ARNT2: variants seen among roughly 807,000 people sequenced by gnomAD.
ARNT2 encodes the protein aryl hydrocarbon receptor nuclear translocator 2.
A neutral mutation model predicts 91.7 loss-of-function variants in ARNT2; 36 were observed. The ratio of observed to expected loss-of-function variants is 0.39; its 90% CI spans 0.30 to 0.52. The LOEUF (loss-of-function observed/expected upper bound fraction) is 0.52, where lower values mean the gene tolerates loss of function less well. Among genes scored for constraint, ARNT2 ranks in the 20% least tolerant of loss-of-function variants. The probability of loss-of-function intolerance (pLI) is 0.72; values close to 1 mark genes in which losing one functional copy is unlikely to be tolerated. For missense variants in ARNT2, 775 were observed against 939.3 expected, an observed-to-expected ratio of 0.83 and a Z score of 2.29; for synonymous variants, 365 against 347.1, an observed-to-expected ratio of 1.05 and a Z score of -0.57.
Position 80,591,335 on chromosome 15 carries a change from T to C in ARNT2, c.1919-233T>C, listed in dbSNP as rs1893276533. On this transcript the variant is annotated intron_variant, in intron 17 of 18. Coordinates refer to ENST00000303329, the MANE Select transcript of ARNT2 (RefSeq NM_014862.4). This position sits in a 1 kb window ranked among gnomAD's most constrained non-coding sequence, Gnocchi z 5.1. ...TGGCAGGTGACCTCAGGAAGAGCCATCCTCTCTGGCCAAGTACCTGCACCA... is the reference window on the plus strand; with the variant it reads ...TGGCAGGTGACCTCAGGAAGAGCCACCCTCTCTGGCCAAGTACCTGCACCA... Among the ~76,000 whole-genome samples the C allele has an allele frequency of 6.6e-6, 1 of 152,170 alleles. No homozygotes were observed. Among genetic ancestry groups the C allele is most frequent in the Non-Finnish European group, 1.5e-5 (1 of 68,030 alleles).
In ARNT2 at chr15:80,459,139, G is replaced by T. The variant is rs756906178; in HGVS notation, c.194+1163G>T. 5.9e-5 allele frequency among the ~76,000 whole-genome samples: 9 copies of T among 152,100 alleles called. No homozygotes were observed. In the South Asian group the frequency reaches 1.0e-3, roughly 18 times the overall value. ...GAGTCTCCAAGTCCATAGTAAACTCGCATCATGCCATACACTTTCGTCCCC... is the reference window on the plus strand; with the variant it reads ...GAGTCTCCAAGTCCATAGTAAACTCTCATCATGCCATACACTTTCGTCCCC... On this transcript the variant is annotated intron_variant, in intron 3 of 18. Coordinates refer to ENST00000303329, the MANE Select transcript of ARNT2 (RefSeq NM_014862.4).
At chr15:80,582,148 G>A (rs954976136) in intron 17 of ARNT2, among the ~76,000 whole-genome samples, 2 of 152,118 alleles carry the variant, frequency 1.3e-5, no homozygotes, top group Non-Finnish European at 2.9e-5. Context: ...GAATTTCCAC[G>A]TGGCAAGTTA....
intron 1 of ARNT2, among the ~76,000 whole-genome samples, chr15:80,430,692 T>C (rs1895995364): frequency 6.6e-6 from 1 of 152,228 alleles, no homozygotes; most frequent in South Asian, 2.1e-4. Context: ...TCAGGGTTTT[T>C]CTTTGCTCTA....
intron 8 of ARNT2, among the ~76,000 whole-genome samples, chr15:80,537,924 T>G (rs1897850918): frequency 6.6e-6 from 1 of 152,128 alleles, no homozygotes; most frequent in Admixed American, 6.6e-5. Flanking sequence ...CCTATTAGAG[T>G]GAGTCCCTAA....
intron 8 of ARNT2, among the ~76,000 whole-genome samples, chr15:80,530,508 G>A (rs941054406): frequency 1.3e-5 from 2 of 152,104 alleles, no homozygotes; most frequent in Non-Finnish European, 2.9e-5. Context: ...TTCAGGCTTT[G>A]TCGACTCTTC....
At position 80,566,047 on chromosome 15, in the gene ARNT2, G is replaced by A. The variant is rs148154800; in HGVS notation, c.1316+2808G>A. 1.7e-3 allele frequency among the ~76,000 whole-genome samples: 265 copies of A among 152,236 alleles called. 1 individual carries two copies. Among genetic ancestry groups the A allele is most frequent in the African/African-American group, 6.1e-3 (253 of 41,538 alleles). ...AGAATTTTTCTGCAGATTCTGCATG[G>A]AGCTACTGCATATGAAGCACTCTAC... On this transcript the variant is annotated intron_variant, in intron 12 of 18. Transcript: ENST00000303329.
chr15:80,561,061 C>T (rs956709694), intron 11 of ARNT2, among the ~76,000 whole-genome samples: 2 of 152,160 alleles, frequency 1.3e-5, no homozygotes, highest in Non-Finnish European at 1.5e-5. Context: ...AGAGCCTGCT[C>T]CTTGCAGGTC....
At chr15:80,552,545 A>C (rs1174895756) in intron 9 of ARNT2, 95 bp from the exon 10 acceptor site, 1 of 1,444,344 alleles carries the variant, frequency 6.9e-7, no homozygotes, top group African/African-American at 1.4e-5. Context: ...GGATCTTTGA[A>C]GTGAAATGCA....
chr15:80,581,489 A>C, intron 17 of ARNT2, 85 bp downstream of exon 17: 3 of 1,551,084 alleles, frequency 1.9e-6, no homozygotes, highest in Non-Finnish European at 2.6e-6. Flanking sequence ...GCTGAGCTCC[A>C]AGCTCCCAGC....
chr15:80,460,351 T>G (rs576592321), intron 3 of ARNT2, among the ~76,000 whole-genome samples: 123 of 152,216 alleles, frequency 8.1e-4, no homozygotes, highest in Non-Finnish European at 1.3e-3. Context: ...TTGATATGGT[T>G]CCTACTTTAG....
intron 1 of ARNT2, among the ~76,000 whole-genome samples, chr15:80,443,755 C>A (rs1422836112): frequency 1.3e-5 from 2 of 151,986 alleles, no homozygotes; most frequent in Non-Finnish European, 2.9e-5. Flanking sequence ...GGGGCCACAT[C>A]CCCATAGAAG....
At chr15:80,521,863 T>C (rs932133074) in intron 8 of ARNT2, among the ~76,000 whole-genome samples, 1 of 152,134 alleles carries the variant, frequency 6.6e-6, no homozygotes, top group Non-Finnish European at 1.5e-5. Context: ...ATTGAATCTC[T>C]AGTATTAGGA....
intron 12 of ARNT2, among the ~76,000 whole-genome samples, chr15:80,568,384 G>A (rs1463133097): frequency 6.6e-6 from 1 of 152,180 alleles, no homozygotes; most frequent in Non-Finnish European, 1.5e-5. Flanking sequence ...CCTATTTCCT[G>A]TCACAGCATT....
chr15:80,500,071 G>A (rs970729511), intron 5 of ARNT2, among the ~76,000 whole-genome samples: 5 of 152,196 alleles, frequency 3.3e-5, no homozygotes, highest in African/African-American at 1.2e-4. Context: ...CCCACCTTTA[G>A]TAGTAGAAGG....
intron 1 of ARNT2, among the ~76,000 whole-genome samples, chr15:80,422,927 C>G (rs950063933): frequency 6.6e-6 from 1 of 152,066 alleles, no homozygotes; most frequent in African/African-American, 2.4e-5. Flanking sequence ...TGTTTCTTAG[C>G]CTTTTTGGTC....
In ARNT2 at chr15:80,574,163, G is replaced by C. The variant is rs1276332481; in HGVS notation, c.1332G>C (p.Gln444His). 1 of 1,614,106 alleles carries C rather than the reference G, an allele frequency of 6.2e-7. No homozygotes were observed. Among genetic ancestry groups the C allele is most frequent in the Non-Finnish European group, 8.5e-7 (1 of 1,180,062 alleles). ...TGTTTCACAGGCAACTTCAGCAACA[G>C]CAGGCAGAATTGGAAGTGCACCAGA... Reference protein sequence around the residue: ...TNTNVKQLQQQQAELEVHQRD... With the variant: ...TNTNVKQLQQHQAELEVHQRD... The change falls in exon 13 of 19, where the codon CAG becomes CAC. Residue 444 changes from glutamine to histidine, a missense_variant. This residue lies in a region of ARNT2 where 325 missense variants were observed against 359.9 expected (regional missense o/e 0.90). Coordinates refer to ENST00000303329, the MANE Select transcript of ARNT2 (RefSeq NM_014862.4).
chr15:80,410,092 G>A (rs1237547224), intron 1 of ARNT2, among the ~76,000 whole-genome samples: 1 of 152,246 alleles, frequency 6.6e-6, no homozygotes, highest in Non-Finnish European at 1.5e-5. Flanking sequence ...GCTGCTGTGT[G>A]GAGAGCCAAT....
chr15:80,498,456 C>T (rs1459235140), intron 5 of ARNT2, among the ~76,000 whole-genome samples: 1 of 152,216 alleles, frequency 6.6e-6, no homozygotes, highest in East Asian at 1.9e-4. Context: ...CAAATCCACG[C>T]ACTAGGAGAG....
At chr15:80,582,181 G>C (rs1898811103) in intron 17 of ARNT2, among the ~76,000 whole-genome samples, 1 of 152,132 alleles carries the variant, frequency 6.6e-6, no homozygotes, top group Admixed American at 6.6e-5. Flanking sequence ...AGAACTGCTT[G>C]TCTGTCAGCC....
Sources: gnomAD v4.1 joint callset for allele counts (sites outside exome capture counted in the v4.1 genomes callset) on GRCh38, gnomAD v4.1.1 for gene constraint, gnomAD v4.1.1 regional missense constraint, Gnocchi (gnomAD v3.1) non-coding constraint, MANE v1.5 for transcripts, NCBI Gene and HGNC (gene_info 2026-07-23, HGNC 2026-07-21) for gene names.